The following STIM1 variants were observed in gnomAD, a reference collection of about 807,000 sequenced individuals.
The protein encoded by STIM1 is stromal interaction molecule 1.
A neutral mutation model predicts 74.7 loss-of-function variants in STIM1; 25 were observed. The observed-to-expected ratio is 0.33, with a 90% confidence interval of 0.24 to 0.47. The LOEUF (loss-of-function observed/expected upper bound fraction) is 0.47. Among genes scored for constraint, STIM1 ranks in the 20% least tolerant of loss-of-function variants. STIM1 has a pLI of 1.00. For missense variants in STIM1, 728 were observed against 920.8 expected, an observed-to-expected ratio of 0.79 and a Z score of 2.71; for synonymous variants, 328 against 348.8, an observed-to-expected ratio of 0.94 and a Z score of 0.66.
At chr11:3,905,460 A>G (rs559049676) in intron 1 of STIM1, among the ~76,000 whole-genome samples, 8 of 151,916 alleles carry the variant, frequency 5.3e-5, no homozygotes, top group African/African-American at 1.9e-4. Flanking sequence ...GTAGCCAGTG[A>G]AGGTGCCACA....
At chr11:3,968,414 TG>T (rs1030620222) in intron 2 of STIM1, among the ~76,000 whole-genome samples, 19 of 152,250 alleles carry the variant, frequency 1.2e-4, no homozygotes, top group Non-Finnish European at 2.4e-4. Flanking sequence ...TATATCACGA[TG>T]GGGGAGATAT....
intron 2 of STIM1, chr11:3,972,832 T>G: frequency 2.1e-6 from 1 of 475,778 alleles, no homozygotes; most frequent in South Asian, 1.5e-5. Context: ...AGCTACTGAC[T>G]GGAACCACCA....
At chr11:3,910,732 A>G (rs954959511) in intron 1 of STIM1, among the ~76,000 whole-genome samples, 2 of 151,960 alleles carry the variant, frequency 1.3e-5, no homozygotes, top group African/African-American at 2.4e-5. Flanking sequence ...CTGTAATGCC[A>G]GTACTTTGGG....
At chr11:3,905,927 T>C (rs1255698539) in intron 1 of STIM1, among the ~76,000 whole-genome samples, 3 of 152,210 alleles carry the variant, frequency 2.0e-5, no homozygotes, top group African/African-American at 7.2e-5. Flanking sequence ...GGAGGGAACA[T>C]GACTTAATAT....
intron 3 of STIM1, among the ~76,000 whole-genome samples, chr11:4,045,694 C>A (rs2094185883): frequency 6.6e-6 from 1 of 151,814 alleles, no homozygotes; most frequent in Non-Finnish European, 1.5e-5. Context: ...TCAGGCGATC[C>A]ACCTGTCTCA....
At chr11:3,979,262 A>G (rs546783570) in intron 2 of STIM1, among the ~76,000 whole-genome samples, 6 of 152,094 alleles carry the variant, frequency 3.9e-5, no homozygotes, top group Admixed American at 2.0e-4. Context: ...GACAACCCTT[A>G]AGTGTTCTGC....
chr11:3,879,081 G>A lies in STIM1; in HGVS notation c.139+22672G>A, dbSNP rs550523490. Among the ~76,000 whole-genome samples, 8 of 151,974 alleles carry A rather than the reference G, an allele frequency of 5.3e-5. No homozygotes were observed. The East Asian group carries it at 1.2e-3, about 22-fold the overall frequency. The stretch of plus-strand genomic sequence containing the variant: ...AGCAATTCTCCTGCCTCAGCCTCCC[G>A]AGTAGCTGGGACTACAGGTGCACAC... On this transcript the variant is annotated intron_variant, in intron 1 of 12. Coordinates refer to ENST00000526596, the MANE Select transcript of STIM1 (RefSeq NM_001382567.1).
chr11:3,882,092 CTTTTTTTTTTTTT>C (rs946580998), intron 1 of STIM1, among the ~76,000 whole-genome samples: 2 of 92,310 alleles, frequency 2.2e-5, no homozygotes, highest in Admixed American at 1.4e-4. Context: ...CACTTCATTC[CTTTTTTTTTTTTT>C]TTTTTTTTTT....
chr11:3,943,215 G>T lies in STIM1; in HGVS notation c.140-24337G>T, dbSNP rs1590588413. On this transcript the variant is annotated intron_variant, in intron 1 of 12. Coordinates refer to ENST00000526596, the MANE Select transcript of STIM1 (RefSeq NM_001382567.1). The stretch of plus-strand genomic sequence containing the variant: ...AAGCCTTTCCTTGACTCCTAGGAAA[G>T]AATTAGTCAACTTGCTTCCACAGAA... Among the ~76,000 whole-genome samples the T allele has an allele frequency of 2.0e-5, 3 of 152,268 alleles. No individual in the cohort carries two copies. The South Asian group carries it at 6.2e-4, about 32-fold the overall frequency.
Position 3,992,206 on chromosome 11 carries a change from C to A in STIM1, c.270+24524C>A, listed in dbSNP as rs531045898. ...GGTGGATTGCCTGAAGCCAGGAGTT[C>A]GAGACCAGCCAGGGCAATGTGGCAG... is the stretch of plus-strand genomic sequence containing the variant. On this transcript the variant is annotated intron_variant, in intron 2 of 12. Transcript: ENST00000526596. Among the ~76,000 whole-genome samples the A allele has an allele frequency of 1.1e-4, 15 of 142,532 alleles. No homozygotes were observed. In the Admixed American group the frequency reaches 1.1e-3, roughly 10 times the overall value. 93.5% of individuals were successfully genotyped at this position (142,532 alleles called of 152,430 possible). A position where few individuals can be genotyped will look rare whatever the true frequency, so the allele number is the denominator to read the frequency against.
intron 1 of STIM1, among the ~76,000 whole-genome samples, chr11:3,921,007 G>C (rs1191408200): frequency 6.6e-6 from 1 of 152,032 alleles, no homozygotes; most frequent in Non-Finnish European, 1.5e-5. Flanking sequence ...TGTTGACCAG[G>C]CTGGTTTTGA....
chr11:3,992,090 T>G (rs1189591133), intron 2 of STIM1, among the ~76,000 whole-genome samples: 2 of 87,262 alleles, frequency 2.3e-5, no homozygotes, highest in African/African-American at 1.6e-4. Context: ...TGTTTTTTTG[T>G]TTTTTTTTTT....
rs2094472972 is a variant in STIM1 at position 4,082,923 on chromosome 11, C to G, written c.1179C>G (p.Thr393=). 2 of 1,614,038 alleles carry G rather than the reference C, an allele frequency of 1.2e-6. No individual in the cohort carries two copies. Among genetic ancestry groups the G allele is most frequent in the South Asian group, 2.2e-5 (2 of 91,084 alleles). Residue 393 remains threonine, a synonymous_variant, in exon 9 of 13, where the codon ACC becomes ACG. Transcript: ENST00000526596. ...AGAAGAGAAACACACTCTTTGGCAC[C>G]TTCCACGTGGCCCACAGCTCTTCCC... is the stretch of plus-strand genomic sequence containing the variant. ...IKKKRNTLFG[T]FHVAHSSSLD...
At chr11:3,900,158 C>G (rs2092310637) in intron 1 of STIM1, among the ~76,000 whole-genome samples, 2 of 152,200 alleles carry the variant, frequency 1.3e-5, no homozygotes, top group Admixed American at 6.5e-5. Context: ...CTCCCCCAGC[C>G]TCACTGCTGC....
intron 6 of STIM1, among the ~76,000 whole-genome samples, chr11:4,070,650 G>A (rs777565794): frequency 6.6e-6 from 1 of 152,126 alleles, no homozygotes; most frequent in Non-Finnish European, 1.5e-5. Flanking sequence ...ACACTAACTT[G>A]CTATATAACT....
intron 1 of STIM1, among the ~76,000 whole-genome samples, chr11:3,895,968 G>T (rs1406758363): frequency 6.8e-6 from 1 of 147,438 alleles, no homozygotes. Context: ...GTAGTGGCGC[G>T]ATCTCGGCTC....
chr11:4,083,275 C>T lies in STIM1; in HGVS notation c.1251C>T (p.Ser417=), dbSNP rs199782037. 66 of 1,614,040 alleles carry T rather than the reference C, an allele frequency of 4.1e-5. No homozygotes were observed. In the East Asian group the frequency reaches 1.1e-3, roughly 27 times the overall value. ...HKILTAKQAL[S]EVTAALRERL... is the part of the protein sequence containing the mutation. ...CCTCTGTCTTCAGGCAAGCACTGAG[C>T]GAGGTGACAGCAGCATTGCGGGAGC... The change falls in exon 10 of 13, where the codon AGC becomes AGT. Residue 417 remains serine (S), a synonymous_variant. Coordinates refer to ENST00000526596, the MANE Select transcript of STIM1 (RefSeq NM_001382567.1).
Position 3,856,380 on chromosome 11 carries a change from G to T in STIM1, c.110G>T (p.Gly37Val). The change falls in exon 1 of 13, where the codon GGG becomes GTG. Residue 37 changes from glycine (G) to valine (V), a missense_variant. Physicochemically the swap from Gly to Val is moderately radical, Grantham distance 109. Coordinates refer to ENST00000526596, the MANE Select transcript of STIM1 (RefSeq NM_001382567.1). ...GAGAAGGCGACAGGAACCAGCTCGG[G>T]GGCCAACTCTGAGGAGTCCACTGCA... ...HSEKATGTSS[G>V]ANSEESTAAE... 1 of 1,614,134 alleles carries T rather than the reference G, an allele frequency of 6.2e-7. No individual in the cohort carries two copies. Among genetic ancestry groups the T allele is most frequent in the South Asian group, 1.1e-5 (1 of 91,090 alleles).
chr11:3,891,004 C>G (rs1348323170), intron 1 of STIM1, among the ~76,000 whole-genome samples: 5 of 152,178 alleles, frequency 3.3e-5, no homozygotes, highest in Non-Finnish European at 7.3e-5. Flanking sequence ...CACAGGAACT[C>G]TGAGCCACAG....
Sources: allele counts gnomAD v4.1 joint callset (sites outside exome capture counted in the v4.1 genomes callset), GRCh38; gene constraint gnomAD v4.1.1; transcripts MANE v1.5; gene names NCBI Gene and HGNC (gene_info 2026-07-23, HGNC 2026-07-21).